The following FUNDC1 variants were observed in gnomAD, a reference collection of about 807,000 sequenced individuals.
The protein encoded by FUNDC1 is FUN14 domain-containing protein 1.
Under a neutral mutation model 14.5 loss-of-function variants are expected in FUNDC1, and 10 were observed. The ratio of observed to expected loss-of-function variants is 0.69; its 90% CI spans 0.43 to 1.17. The LOEUF (loss-of-function observed/expected upper bound fraction) is 1.17, where lower values mean the gene tolerates loss of function less well. Among genes scored for constraint, FUNDC1 ranks in the 50% most tolerant of loss-of-function variants. FUNDC1 has a pLI of 0.00. For synonymous variants in FUNDC1, 33 were observed against 39.7 expected (o/e 0.83, Z 0.64); for missense variants, 115 against 113.8 (o/e 1.01, Z -0.05).
At chrX:44,541,734 AG>A (rs777436157) in intron 2 of FUNDC1, among the ~76,000 whole-genome samples, 22 of 111,054 alleles carry the variant, frequency 2.0e-4, no homozygotes, top group Non-Finnish European at 3.4e-4. Flanking sequence ...GAGGGAGAAG[AG>A]GAACAGTGGT....
chrX:44,542,135 G>C (rs41298454), intron 1 of FUNDC1, 34 bp from the exon 2 acceptor site: 51,703 of 1,081,387 alleles, frequency 0.048, 1,266 homozygotes, highest in African/African-American at 0.14. Context: ...AATAAATGTA[G>C]AGTCAATCAA....
intron 3 of FUNDC1, among the ~76,000 whole-genome samples, chrX:44,528,804 C>T (rs763604883): frequency 5.3e-5 from 6 of 112,413 alleles, no homozygotes; most frequent in Non-Finnish European, 9.4e-5. Context: ...TTATGCCATT[C>T]TCCTGTCTCA....
chrX:44,530,462 C>G (rs766963462), intron 3 of FUNDC1, among the ~76,000 whole-genome samples: 1 of 108,853 alleles, frequency 9.2e-6, no homozygotes, highest in African/African-American at 3.4e-5. Flanking sequence ...AAAAATTAGC[C>G]GGGCATAGTA....
intron 3 of FUNDC1, among the ~76,000 whole-genome samples, chrX:44,528,547 C>T (rs1165825644): frequency 8.9e-6 from 1 of 112,481 alleles, no homozygotes; most frequent in African/African-American, 3.2e-5. Flanking sequence ...TTGGCTTGCA[C>T]TAAGTAATCA....
chrX:44,532,529 A>ATG (rs200354418), intron 3 of FUNDC1, among the ~76,000 whole-genome samples: 3,775 of 105,909 alleles, frequency 0.036, 175 homozygotes, highest in African/African-American at 0.12. Context: ...AAATATATAT[A>ATG]TGTGTGTGTG....
At position 44,542,058 on chromosome X, in the gene FUNDC1, A is replaced by G. The variant is rs1217264604; in HGVS notation, c.72T>C (p.Thr24=). 8.3e-7 allele frequency: 1 copy of G among 1,204,660 alleles called. No individual in the cohort carries two copies. The highest frequency in any genetic ancestry group is 1.1e-6 in the Non-Finnish European group (1 of 889,780). The change falls in exon 2 of 5, where the codon ACT becomes ACC. Residue 24 remains threonine, a synonymous_variant. Transcript: ENST00000378045. ...DDDSYEVLDL[T]EYARRHQWWN... is the part of the protein sequence containing the mutation. ...ACCACTGGTGTCTTCTTGCATACTC[A>G]GTTAAATCCAACACTTCATAAGAGT... is the stretch of plus-strand genomic sequence containing the variant.
At chrX:44,540,149 C>T (rs144950159) in intron 2 of FUNDC1, among the ~76,000 whole-genome samples, 121 of 110,798 alleles carry the variant, frequency 1.1e-3, no homozygotes, top group African/African-American at 3.8e-3. Context: ...TGATCAAAAG[C>T]CTACAGCTAC....
intron 4 of FUNDC1, among the ~76,000 whole-genome samples, chrX:44,526,671 G>T (rs2038903734): frequency 9.0e-6 from 1 of 110,511 alleles, no homozygotes; most frequent in Admixed American, 9.7e-5. Flanking sequence ...GTGAATAGAT[G>T]AAGGGTATTG....
At chrX:44,539,307 T>C (rs993471069) in intron 2 of FUNDC1, among the ~76,000 whole-genome samples, 1 of 111,925 alleles carries the variant, frequency 8.9e-6, no homozygotes, top group Non-Finnish European at 1.9e-5. Flanking sequence ...GGTTGAATGG[T>C]GTCCCCCTCA....
At chrX:44,529,744 C>A (rs1175611376) in intron 3 of FUNDC1, among the ~76,000 whole-genome samples, 6 of 112,077 alleles carry the variant, frequency 5.4e-5, no homozygotes, top group African/African-American at 9.7e-5. Flanking sequence ...AGAGAATGAT[C>A]TTTGATGCTG....
At chrX:44,527,155 C>T (rs1000680209) in intron 4 of FUNDC1, 82 bp downstream of exon 4, 20 of 709,559 alleles carry the variant, frequency 2.8e-5, no homozygotes, top group African/African-American at 6.8e-5. Context: ...TAATCCCCCC[C>T]GGTCACATTT....
chrX:44,538,091 C>T (rs1014734609), intron 3 of FUNDC1, among the ~76,000 whole-genome samples: 3 of 112,132 alleles, frequency 2.7e-5, no homozygotes, highest in Non-Finnish European at 5.6e-5. Flanking sequence ...AAGCAATTCT[C>T]CTGTCTCAGC....
intron 3 of FUNDC1, among the ~76,000 whole-genome samples, chrX:44,532,938 GA>G (rs1327385066): frequency 8.9e-6 from 1 of 112,032 alleles, no homozygotes; most frequent in African/African-American, 3.2e-5. Flanking sequence ...TTGTAAAGCT[GA>G]AAAAATAAAC....
intron 3 of FUNDC1, among the ~76,000 whole-genome samples, chrX:44,528,760 G>C: frequency 8.9e-6 from 1 of 112,597 alleles, no homozygotes; most frequent in East Asian, 2.8e-4. Flanking sequence ...GCAGTGGCGT[G>C]ATCTCTGCTC....
intron 3 of FUNDC1, among the ~76,000 whole-genome samples, chrX:44,529,438 GGAA>G (rs1205175031): frequency 9.1e-6 from 1 of 110,061 alleles, no homozygotes; most frequent in Admixed American, 9.9e-5. Flanking sequence ...ACGCCTCTTT[GGAA>G]GAAGACTTCC....
intron 1 of FUNDC1, chrX:44,542,326 G>A: frequency 5.0e-6 from 2 of 399,111 alleles, no homozygotes; most frequent in East Asian, 4.3e-5. Flanking sequence ...AAGGCCCGGG[G>A]ACCAGCCTGG....
At position 44,539,037 on chromosome X, in the gene FUNDC1, G is replaced by C. The variant is rs772995045; in HGVS notation, c.186-495C>G. On this transcript the variant is annotated intron_variant, in intron 2 of 4. Transcript: ENST00000378045. ...TTCTTCCTAGCTCTACCTATCTAAA[G>C]CTTTCCTACCATTCCTACCCTTTCA... Among the ~76,000 whole-genome samples the C allele has an allele frequency of 4.5e-5, 5 of 111,353 alleles. No homozygotes were observed. In the South Asian group the frequency reaches 1.9e-3, roughly 42 times the overall value.
At chrX:44,528,072 T>A (rs944152518) in intron 3 of FUNDC1, among the ~76,000 whole-genome samples, 1 of 111,848 alleles carries the variant, frequency 8.9e-6, no homozygotes, top group Admixed American at 9.6e-5. Flanking sequence ...GGAACAACAG[T>A]GTGTGTGCAA....
chrX:44,542,686 CT>C, intron 1 of FUNDC1, 118 bp downstream of exon 1: 1 of 751,935 alleles, frequency 1.3e-6, no homozygotes. Context: ...AAGGGGCTGC[CT>C]TAAAAAAAAA....
Sources: allele counts gnomAD v4.1 joint callset (sites outside exome capture counted in the v4.1 genomes callset), GRCh38; gene constraint gnomAD v4.1.1; transcripts MANE v1.5; gene names NCBI Gene and HGNC (gene_info 2026-07-23, HGNC 2026-07-21).